The following AHI1 variants were observed in gnomAD, a reference collection of about 807,000 sequenced individuals.
The protein encoded by AHI1 is jouberin.
Under a neutral mutation model 149.3 loss-of-function variants are expected in AHI1, and 123 were observed. The observed-to-expected ratio is 0.82, with a 90% CI of 0.71 to 0.96. The LOEUF (loss-of-function observed/expected upper bound fraction) is 0.96. Among genes scored for constraint, AHI1 ranks in the 40% least tolerant of loss-of-function variants. The pLI is 0.00. For synonymous variants in AHI1, 475 were observed against 459.8 expected (o/e 1.03, Z -0.42); for missense variants, 1,439 against 1,422.7 (o/e 1.01, Z -0.18).
intron 26 of AHI1, chr6:135,300,928 A>G (rs1445346583): frequency 1.0e-6 from 1 of 996,548 alleles, no homozygotes; most frequent in Non-Finnish European, 1.2e-6. Flanking sequence ...TTTCCTTCAT[A>G]TTCTTTATAG....
intron 5 of AHI1, among the ~76,000 whole-genome samples, chr6:135,487,824 T>G (rs1794697627): frequency 6.6e-6 from 1 of 152,328 alleles, no homozygotes; most frequent in South Asian, 2.1e-4. Flanking sequence ...TCCTCTAAGA[T>G]CTTAAGATGT....
intron 25 of AHI1, among the ~76,000 whole-genome samples, chr6:135,322,669 C>G (rs1228529405): frequency 6.6e-6 from 1 of 152,206 alleles, no homozygotes; most frequent in African/African-American, 2.4e-5. Flanking sequence ...ATTTTCAGCT[C>G]TGGCTCATTT....
chr6:135,360,199 G>A (rs1582807151), intron 23 of AHI1, among the ~76,000 whole-genome samples: 1 of 152,150 alleles, frequency 6.6e-6, no homozygotes. Flanking sequence ...AACAATAATT[G>A]AAAGCTCATA....
At chr6:135,460,424 AG>A (rs1016659506) in intron 8 of AHI1, among the ~76,000 whole-genome samples, 63 of 152,222 alleles carry the variant, frequency 4.1e-4, no homozygotes, top group African/African-American at 1.4e-3. Flanking sequence ...AATAAATGGA[AG>A]TGCATACCAA....
At chr6:135,339,118 C>T (rs548438017) in intron 24 of AHI1, among the ~76,000 whole-genome samples, 4 of 152,116 alleles carry the variant, frequency 2.6e-5, no homozygotes, top group African/African-American at 9.6e-5. Context: ...ATGTGACTCA[C>T]AGCATGCTGT....
chr6:135,363,132 G>A lies in AHI1; in HGVS notation c.3110-4945C>T, dbSNP rs113424522. ...GCAGGGTCACAGGACAATAGTGGAG[G>A]GAAGGTCAGTAGATAAACAAGTGAA... On this transcript the variant is annotated intron_variant, in intron 23 of 28. Transcript: ENST00000265602. Among the ~76,000 whole-genome samples the A allele has an allele frequency of 8.5e-3, 1,284 of 151,608 alleles. 14 individuals carry two copies. Among genetic ancestry groups the A allele is most frequent in the African/African-American group, 0.029 (1,195 of 41,320 alleles).
chr6:135,423,044 G>T (rs1191298437), intron 20 of AHI1, among the ~76,000 whole-genome samples: 2 of 152,220 alleles, frequency 1.3e-5, no homozygotes, highest in South Asian at 4.2e-4. Flanking sequence ...TACACCAACT[G>T]TGTTACTTTA....
intron 27 of AHI1, among the ~76,000 whole-genome samples, chr6:135,293,047 C>T (rs974395549): frequency 6.6e-6 from 1 of 152,132 alleles, no homozygotes. Flanking sequence ...AAAAGGATAA[C>T]ACACCACTAA....
chr6:135,362,689 T>C (rs1794098477), intron 23 of AHI1, among the ~76,000 whole-genome samples: 2 of 152,208 alleles, frequency 1.3e-5, no homozygotes, highest in African/African-American at 4.8e-5. Flanking sequence ...TGTCTATGCA[T>C]GTCCTTAGCC....
At chr6:135,324,745 C>T (rs1261230630) in intron 24 of AHI1, among the ~76,000 whole-genome samples, 2 of 151,910 alleles carry the variant, frequency 1.3e-5, no homozygotes, top group Non-Finnish European at 2.9e-5. Context: ...AAAGTTCAGA[C>T]TCAATAATAT....
At chr6:135,316,740 A>G (rs1336258238) in intron 26 of AHI1, among the ~76,000 whole-genome samples, 1 of 152,046 alleles carries the variant, frequency 6.6e-6, no homozygotes, top group East Asian at 1.9e-4. Context: ...GCTTCCACTT[A>G]CTGATATAAT....
At chr6:135,357,722 T>G (rs1216897781) in intron 24 of AHI1, among the ~76,000 whole-genome samples, 1 of 152,222 alleles carries the variant, frequency 6.6e-6, no homozygotes, top group African/African-American at 2.4e-5. Flanking sequence ...TAATACAACT[T>G]TTTAAATATA....
At chr6:135,420,160 T>C (rs547699743) in intron 20 of AHI1, among the ~76,000 whole-genome samples, 1 of 152,212 alleles carries the variant, frequency 6.6e-6, no homozygotes, top group South Asian at 2.1e-4. Context: ...TCCATGGGGG[T>C]TGGAATACAC....
At chr6:135,433,568 G>T (rs1293982239) in intron 15 of AHI1, among the ~76,000 whole-genome samples, 3 of 152,070 alleles carry the variant, frequency 2.0e-5, no homozygotes, top group African/African-American at 7.2e-5. Flanking sequence ...ACATTGAACA[G>T]TTGGTAAAAT....
At chr6:135,322,772 C>T (rs1361883337) in intron 25 of AHI1, among the ~76,000 whole-genome samples, 2 of 152,120 alleles carry the variant, frequency 1.3e-5, no homozygotes, top group African/African-American at 2.4e-5. Context: ...CTGAGGTATA[C>T]AAAGTAAAAG....
intron 21 of AHI1, among the ~76,000 whole-genome samples, chr6:135,407,700 G>A (rs112664845): frequency 0.011 from 1,739 of 151,916 alleles, 38 homozygotes; most frequent in African/African-American, 0.039. Context: ...TCTCTCTTGC[G>A]TTTGATTTCA....
intron 5 of AHI1, among the ~76,000 whole-genome samples, chr6:135,489,538 A>G (rs146079053): frequency 3.3e-5 from 5 of 152,260 alleles, no homozygotes; most frequent in Middle Eastern, 3.4e-3. Flanking sequence ...GCATATATCA[A>G]TAAGCAATGT....
intron 20 of AHI1, among the ~76,000 whole-genome samples, chr6:135,417,776 TCA>T (rs1782595145): frequency 6.6e-6 from 1 of 152,018 alleles, no homozygotes; most frequent in African/African-American, 2.4e-5. Context: ...GCAGAAATAT[TCA>T]TAAAGACTTA....
intron 28 of AHI1, among the ~76,000 whole-genome samples, chr6:135,289,346 T>C (rs947127909): frequency 6.6e-6 from 1 of 151,750 alleles, no homozygotes; most frequent in African/African-American, 2.4e-5. Context: ...AATACAAAAA[T>C]TAGCTGGGTG....
Sources: gnomAD v4.1 joint callset for allele counts (sites outside exome capture counted in the v4.1 genomes callset) on GRCh38, gnomAD v4.1.1 for gene constraint, MANE v1.5 for transcripts, NCBI Gene and HGNC (gene_info 2026-07-23, HGNC 2026-07-21) for gene names.